PDPK1: variants seen among roughly 807,000 people sequenced by gnomAD.
The protein encoded by PDPK1 is 3-phosphoinositide-dependent protein kinase 1.
In PDPK1, 7 loss-of-function variants were observed where a neutral mutation model predicts 39.8. The observed-to-expected ratio is 0.18, with a 90% CI of 0.10 to 0.33. PDPK1 has a LOEUF of 0.33. Among genes scored for constraint, PDPK1 ranks in the 10% least tolerant of loss-of-function variants. PDPK1 has a pLI of 1.00. For missense variants in PDPK1, 182 were observed against 384.7 expected, an observed-to-expected ratio of 0.47 and a Z score of 4.41; for synonymous variants, 118 against 159.1, an observed-to-expected ratio of 0.74 and a Z score of 1.95.
chr16:2,542,038 A>G (rs2066254383), intron 1 of PDPK1, among the ~76,000 whole-genome samples: 1 of 151,852 alleles, frequency 6.6e-6, no homozygotes, highest in African/African-American at 2.4e-5. Flanking sequence ...AGTCTAGACA[A>G]TTTTCCTGAT....
At chr16:2,547,394 A>G (rs1166221343) in intron 1 of PDPK1, among the ~76,000 whole-genome samples, 1 of 108,952 alleles carries the variant, frequency 9.2e-6, no homozygotes, top group Admixed American at 8.8e-5. Flanking sequence ...TTCCATGGGT[A>G]ACTCACATGT....
rs558649724 is a variant in PDPK1 at position 2,593,782 on chromosome 16, A to G, written c.1344-2011A>G. The G allele has an allele frequency of 1.3e-5, 2 of 152,820 alleles. No individual in the cohort carries two copies. The highest frequency in any genetic ancestry group is 4.8e-5 in the African/African-American group (2 of 41,574). The allele number at this position is 152,820 out of a possible 1,614,324, so 9.5% of individuals were successfully genotyped here. ...TTGCCTGGTCACAGGCCTGTCTGTCAGAGTGGCTTCCTGCCGGCTCTGTGG... is the reference window on the plus strand; with the variant it reads ...TTGCCTGGTCACAGGCCTGTCTGTCGGAGTGGCTTCCTGCCGGCTCTGTGG... On this transcript the variant is annotated intron_variant, in intron 11 of 13. Coordinates refer to ENST00000342085, the MANE Select transcript of PDPK1 (RefSeq NM_002613.5). The surrounding 1 kb of genome is among the most constrained non-coding windows in gnomAD (Gnocchi z 4.2).
At chr16:2,585,405 G>C (rs2066847303) in intron 10 of PDPK1, among the ~76,000 whole-genome samples, 1 of 152,240 alleles carries the variant, frequency 6.6e-6, no homozygotes, top group African/African-American at 2.4e-5. Context: ...AAGCATGGAA[G>C]GAGACTTCAG....
At chr16:2,541,039 G>A (rs1488312228) in intron 1 of PDPK1, among the ~76,000 whole-genome samples, 3 of 151,850 alleles carry the variant, frequency 2.0e-5, no homozygotes, top group Non-Finnish European at 4.4e-5. Flanking sequence ...ATTCCTGTAC[G>A]CAACGTTGCC....
In PDPK1 at chr16:2,586,741, G is replaced by T. The variant is rs748599366; in HGVS notation, c.1191G>T (p.Leu397=). 1 of 1,614,116 alleles carries T rather than the reference G, an allele frequency of 6.2e-7. No individual in the cohort carries two copies. The highest frequency in any genetic ancestry group is 8.5e-7 in the Non-Finnish European group (1 of 1,180,044). Residue 397 remains leucine (L), a synonymous_variant, in exon 11 of 14, where the codon CTG becomes CTT. Transcript: ENST00000342085. ...QVSSSSSSHS[L]SASDTGLPQR... is the part of the protein sequence containing the mutation. ...CTTCGTCCTCCTCCTCACACTCCCT[G>T]TCAGCCTCCGACACGGGCCTGCCCC...
chr16:2,598,125 C>A lies in PDPK1; in HGVS notation c.*358C>A. On this transcript the variant is annotated 3_prime_UTR_variant, in exon 14 of 14. Coordinates refer to ENST00000342085, the MANE Select transcript of PDPK1 (RefSeq NM_002613.5). ...CAGTTTTTCCTAGCATCAGTCCGAA[C>A]CATGCGCCCGCCCTGCCCCAACTGT... 3.2e-6 allele frequency: 1 copy of A among 314,076 alleles called. No individual in the cohort carries two copies. The highest frequency in any genetic ancestry group is 5.9e-6 in the Non-Finnish European group (1 of 168,496). 19.5% of individuals were successfully genotyped at this position (314,076 alleles called of 1,614,324 possible). A position where few individuals can be genotyped will look rare whatever the true frequency, so the allele number is the denominator to read the frequency against.
intron 11 of PDPK1, among the ~76,000 whole-genome samples, chr16:2,589,989 A>G (rs535706226): frequency 6.4e-4 from 98 of 152,364 alleles, no homozygotes; most frequent in African/African-American, 2.3e-3. Flanking sequence ...GCTGGATTCA[A>G]GATACGACTG....
At chr16:2,544,244 CA>C (rs2066293854) in intron 1 of PDPK1, among the ~76,000 whole-genome samples, 1 of 152,154 alleles carries the variant, frequency 6.6e-6, no homozygotes, top group Non-Finnish European at 1.5e-5. Flanking sequence ...GACCTGGTTG[CA>C]AAGCAGCATG....
intron 11 of PDPK1, among the ~76,000 whole-genome samples, chr16:2,588,829 A>G (rs1226745872): frequency 1.3e-5 from 2 of 152,002 alleles, no homozygotes; most frequent in Non-Finnish European, 2.9e-5. Flanking sequence ...TTGTAATACT[A>G]AGATGTTATT....
At chr16:2,589,883 G>C (rs1184573579) in intron 11 of PDPK1, among the ~76,000 whole-genome samples, 1 of 152,222 alleles carries the variant, frequency 6.6e-6, no homozygotes, top group Non-Finnish European at 1.5e-5. Context: ...AGGCTGGAGA[G>C]GCCACACGGT....
intron 1 of PDPK1, among the ~76,000 whole-genome samples, chr16:2,546,795 C>T (rs919456958): frequency 1.3e-5 from 2 of 152,052 alleles, no homozygotes; most frequent in Non-Finnish European, 2.9e-5. Flanking sequence ...GACGTGTGCT[C>T]TGTGGGTGGG....
chr16:2,553,306 C>G (rs1201502267), intron 1 of PDPK1, among the ~76,000 whole-genome samples: 67 of 136,884 alleles, frequency 4.9e-4, no homozygotes, highest in Admixed American at 1.3e-3. Flanking sequence ...GGAAGTGGAA[C>G]CACAGGTGCA....
rs1446657273 is a variant in PDPK1 at position 2,573,550 on chromosome 16, G to A, written c.710-3875G>A. Among the ~76,000 whole-genome samples, 10 of 66,752 alleles carry A rather than the reference G, an allele frequency of 1.5e-4. No homozygotes were observed. In the Admixed American group the frequency reaches 1.5e-3, roughly 10 times the overall value. 43.8% of individuals were successfully genotyped at this position (66,752 alleles called of 152,430 possible). On this transcript the variant is annotated intron_variant, in intron 6 of 13. Transcript: ENST00000342085. ...CTAAATAGAGTTATTGGCCGGGCAC[G>A]GTGGCTCACACATGTAATCCCAGCA...
chr16:2,553,001 C>T (rs2066444059), intron 1 of PDPK1, among the ~76,000 whole-genome samples: 1 of 144,402 alleles, frequency 6.9e-6, no homozygotes. Flanking sequence ...GCGAGGCAGG[C>T]CACAGCTCCC....
intron 1 of PDPK1, among the ~76,000 whole-genome samples, chr16:2,544,089 T>G (rs1401602742): frequency 6.6e-6 from 1 of 152,168 alleles, no homozygotes; most frequent in African/African-American, 2.4e-5. Flanking sequence ...CTGTGCATGT[T>G]CAGTACAGAT....
intron 11 of PDPK1, among the ~76,000 whole-genome samples, chr16:2,595,043 A>G (rs1044729031): frequency 3.9e-5 from 6 of 152,142 alleles, no homozygotes; most frequent in African/African-American, 1.4e-4. Context: ...AAATGGCTTG[A>G]GCGCAGGAGA....
chr16:2,595,609 T>G (rs2067085087), intron 11 of PDPK1, among the ~76,000 whole-genome samples, 184 bp from the exon 12 acceptor site: 1 of 152,158 alleles, frequency 6.6e-6, no homozygotes, highest in Admixed American at 6.5e-5. Flanking sequence ...GGATTAAGGC[T>G]CTCTGCGTGG....
At chr16:2,584,981 G>C (rs1449494860) in intron 10 of PDPK1, among the ~76,000 whole-genome samples, 1 of 152,216 alleles carries the variant, frequency 6.6e-6, no homozygotes, top group South Asian at 2.1e-4. Context: ...TGCTGGGCCT[G>C]CTGTTGCTGC....
Position 2,588,261 on chromosome 16 carries a change from T to A in PDPK1, c.1343+1368T>A, listed in dbSNP as rs540955380. Among the ~76,000 whole-genome samples the A allele has an allele frequency of 6.8e-4, 104 of 152,274 alleles. 2 individuals are homozygous for A. The South Asian group carries it at 0.02, about 29-fold the overall frequency. On this transcript the variant is annotated intron_variant, in intron 11 of 13. Coordinates refer to ENST00000342085, the MANE Select transcript of PDPK1 (RefSeq NM_002613.5). ...TCACACCTAGTGTGATTGCTAGAGA[T>A]GTTAATGTGTACTGAGCAGGAGAGG...
Sources: allele counts gnomAD v4.1 joint callset (sites outside exome capture counted in the v4.1 genomes callset), GRCh38; gene constraint gnomAD v4.1.1; non-coding constraint Gnocchi (gnomAD v3.1); transcripts MANE v1.5; gene names NCBI Gene and HGNC (gene_info 2026-07-23, HGNC 2026-07-21).